LARGE1: variants seen among roughly 807,000 people sequenced by gnomAD.
LARGE1 encodes xylosyl- and glucuronyltransferase LARGE1.
In LARGE1, 43 loss-of-function variants were observed where a neutral mutation model predicts 87.6. The ratio of observed to expected loss-of-function variants is 0.49; its 90% CI spans 0.38 to 0.63. The LOEUF (loss-of-function observed/expected upper bound fraction) is 0.63, where lower values mean the gene tolerates loss of function less well. Ranked by LOEUF, LARGE1 falls within the 30% of genes least tolerant of loss-of-function variation. The pLI is 0.00. For missense variants in LARGE1, 802 were observed against 1,000.2 expected (o/e 0.80, Z 2.67); for synonymous variants, 434 against 394.6 (o/e 1.10, Z -1.18).
At chr22:33,204,105 A>G (rs1924567326) in intron 11 of LARGE1, among the ~76,000 whole-genome samples, 1 of 152,164 alleles carries the variant, frequency 6.6e-6, no homozygotes, top group South Asian at 2.1e-4. Context: ...TGCATATAAC[A>G]TTTGGAAAAA....
intron 11 of LARGE1, among the ~76,000 whole-genome samples, chr22:33,310,014 T>A (rs1396516042): frequency 6.6e-6 from 1 of 152,132 alleles, no homozygotes; most frequent in Admixed American, 6.5e-5. Context: ...TACCTTTCAC[T>A]CTCCAGAACG....
chr22:33,316,135 A>G lies in LARGE1; in HGVS notation c.1401T>C (p.Pro467=). ...GGGTGACGTCCGTGCTGTCTGCTGC[A>G]GGCTCATACTCGTAGTGCAGGAAGT... The part of the protein sequence containing the change: ...HLYFLHYEYE[P]AADSTDVTLV... Residue 467 remains proline, a synonymous_variant, in exon 11 of 15, where the codon CCT becomes CCC. Transcript: ENST00000397394. The G allele has an allele frequency of 6.2e-7, 1 of 1,614,108 alleles. No homozygotes were observed. Among genetic ancestry groups the G allele is most frequent in the Non-Finnish European group, 8.5e-7 (1 of 1,180,004 alleles).
intron 9 of LARGE1, among the ~76,000 whole-genome samples, chr22:33,359,560 C>CTTTT (rs539990533): frequency 2.9e-4 from 34 of 119,216 alleles, no homozygotes; most frequent in South Asian, 9.1e-4. Context: ...GCAGACTCAT[C>CTTTT]TTTTTTTTTT....
At chr22:33,509,990 G>T (rs2070979163) in intron 6 of LARGE1, among the ~76,000 whole-genome samples, 1 of 152,076 alleles carries the variant, frequency 6.6e-6, no homozygotes, top group Non-Finnish European at 1.5e-5. Context: ...ATCTACATTT[G>T]AAACCTAAAG....
chr22:33,852,673 C>T (rs1444908524), intron 1 of LARGE1, among the ~76,000 whole-genome samples: 5 of 151,590 alleles, frequency 3.3e-5, no homozygotes, highest in Admixed American at 3.3e-4. Context: ...ACAGTGAAAT[C>T]CCGTCTCTAC....
intron 6 of LARGE1, among the ~76,000 whole-genome samples, chr22:33,487,724 T>A (rs922326155): frequency 6.6e-6 from 1 of 152,118 alleles, no homozygotes; most frequent in African/African-American, 2.4e-5. Flanking sequence ...AGACTGCTTC[T>A]TGGCCTGGTG....
At chr22:33,336,593 G>A (rs917616484) in intron 10 of LARGE1, among the ~76,000 whole-genome samples, 19 of 152,160 alleles carry the variant, frequency 1.2e-4, no homozygotes, top group African/African-American at 4.6e-4. Flanking sequence ...GTAACTGGAA[G>A]GAATTAAAGC....
At chr22:33,875,892 C>CG (rs1329531366) in intron 1 of LARGE1, among the ~76,000 whole-genome samples, 2 of 152,032 alleles carry the variant, frequency 1.3e-5, no homozygotes, top group Admixed American at 1.3e-4. Flanking sequence ...CTTCAGTGCC[C>CG]GGGGGCCAGG....
intron 1 of LARGE1, among the ~76,000 whole-genome samples, chr22:33,813,969 G>A (rs946826623): frequency 9.2e-5 from 14 of 151,978 alleles, no homozygotes; most frequent in African/African-American, 2.7e-4. Flanking sequence ...AGCCTAAAAC[G>A]TAAATATTAA....
chr22:33,422,454 C>T (rs1170307292), intron 7 of LARGE1, among the ~76,000 whole-genome samples: 1 of 151,970 alleles, frequency 6.6e-6, no homozygotes, highest in African/African-American at 2.4e-5. Flanking sequence ...GAGCAGGTAC[C>T]TCACATGGCC....
chr22:33,347,351 G>C (rs1384554601), intron 9 of LARGE1, among the ~76,000 whole-genome samples: 4 of 152,218 alleles, frequency 2.6e-5, no homozygotes, highest in African/African-American at 4.8e-5. Context: ...GAGTGCCACA[G>C]TGCTTGGCAC....
At chr22:33,678,898 C>A (rs1834654393) in intron 2 of LARGE1, among the ~76,000 whole-genome samples, 1 of 152,208 alleles carries the variant, frequency 6.6e-6, no homozygotes. Context: ...AATAGTTGAT[C>A]ACTACAGAAA....
chr22:33,694,692 A>C (rs1486332667), intron 2 of LARGE1, among the ~76,000 whole-genome samples: 1 of 151,966 alleles, frequency 6.6e-6, no homozygotes, highest in Non-Finnish European at 1.5e-5. Context: ...ATACACATAC[A>C]TGGAGAGAGA....
At position 33,419,677 on chromosome 22, in the gene LARGE1, G is replaced by T. The variant is rs1239944515; in HGVS notation, c.892+12484C>A. Among the ~76,000 whole-genome samples, 4 of 151,468 alleles carry T rather than the reference G, an allele frequency of 2.6e-5. No individual in the cohort carries two copies. The South Asian group carries it at 8.3e-4, about 31-fold the overall frequency. On this transcript the variant is annotated intron_variant, in intron 7 of 14. Transcript: ENST00000397394. ...GGCCAGATGAATCTTTGTTTTTGTT[G>T]TTGTTGTTGTTGTTTTTTGTTTGTT...
chr22:33,606,240 C>A (rs1047442381), intron 4 of LARGE1, among the ~76,000 whole-genome samples: 4 of 151,920 alleles, frequency 2.6e-5, no homozygotes, highest in Admixed American at 2.0e-4. Context: ...CCCATCTCTA[C>A]TAAAAACACA....
At chr22:33,496,806 T>C (rs1257188742) in intron 6 of LARGE1, among the ~76,000 whole-genome samples, 1 of 152,234 alleles carries the variant, frequency 6.6e-6, no homozygotes, top group Non-Finnish European at 1.5e-5. Context: ...TAAAAACTCC[T>C]AATTTTTCTC....
intron 6 of LARGE1, among the ~76,000 whole-genome samples, chr22:33,525,541 C>T (rs1274674081): frequency 1.3e-5 from 2 of 152,156 alleles, no homozygotes; most frequent in Non-Finnish European, 2.9e-5. Flanking sequence ...AGATGCAGGT[C>T]CCAGATATGA....
chr22:33,448,942 C>T (rs533274245), intron 6 of LARGE1, among the ~76,000 whole-genome samples: 2 of 152,296 alleles, frequency 1.3e-5, no homozygotes, highest in South Asian at 2.1e-4. Context: ...CACTGATTTT[C>T]GTTCTGTCAC....
chr22:33,321,441 C>T (rs981235858), intron 10 of LARGE1, among the ~76,000 whole-genome samples: 2 of 152,216 alleles, frequency 1.3e-5, no homozygotes, highest in African/African-American at 4.8e-5. Flanking sequence ...TACCTCCCGG[C>T]AGAAAACGTA....
Sources: gnomAD v4.1 joint callset for allele counts (sites outside exome capture counted in the v4.1 genomes callset) on GRCh38, gnomAD v4.1.1 for gene constraint, MANE v1.5 for transcripts, NCBI Gene and HGNC (gene_info 2026-07-23, HGNC 2026-07-21) for gene names.